Variants in TXNRD3 observed in about 807,000 individuals in gnomAD.
The protein encoded by TXNRD3 is thioredoxin reductase 3.
In TXNRD3, 68 loss-of-function variants were observed where a neutral mutation model predicts 78.2. That is an observed-to-expected ratio of 0.87 (90% CI 0.72 to 1.06). TXNRD3 has a LOEUF of 1.06. TXNRD3 is among the 50% of genes least tolerant of loss of function. The pLI is 0.00. For missense variants in TXNRD3, 751 were observed against 809.5 expected (o/e 0.93, Z 0.88); for synonymous variants, 296 against 300.1 (o/e 0.99, Z 0.14).
At chr3:126,619,820 T>G (rs1938405424) in intron 12 of TXNRD3, among the ~76,000 whole-genome samples, 2 of 152,204 alleles carry the variant, frequency 1.3e-5, no homozygotes, top group African/African-American at 4.8e-5. Flanking sequence ...AATATCACTC[T>G]GTATCCCATA....
In TXNRD3 at chr3:126,654,817, GTGGCGGCGCAGCT is replaced by G; in HGVS notation, c.161_173del (p.Glu54AlafsTer12). 1 of 1,419,066 alleles carries G rather than the reference GTGGCGGCGCAGCT, an allele frequency of 7.0e-7. No homozygotes were observed. Among genetic ancestry groups the G allele is most frequent in the Non-Finnish European group, 9.2e-7 (1 of 1,087,228 alleles). The allele number at this position is 1,419,066 out of a possible 1,614,324, so 87.9% of individuals were successfully genotyped here. The stretch of plus-strand genomic sequence containing the variant: ...GGCTGCGCTCGATGAGGCCCACGAG[GTGGCGGCGCAGCT>G]CCTCGCGGGCCTCGGACGAGCGGCT... On this transcript the variant is annotated frameshift_variant, in exon 1 of 16. Transcript: ENST00000524230. LOFTEE classifies it high-confidence loss of function.
At chr3:126,652,956 G>C (rs938030237) in intron 1 of TXNRD3, among the ~76,000 whole-genome samples, 1 of 152,166 alleles carries the variant, frequency 6.6e-6, no homozygotes, top group Non-Finnish European at 1.5e-5. Flanking sequence ...CCAGTGGCAC[G>C]AGGTGCTCCT....
Position 126,652,521 on chromosome 3 carries a change from A to G in TXNRD3, c.243+2227T>C, listed in dbSNP as rs543413290. Among the ~76,000 whole-genome samples the G allele has an allele frequency of 2.7e-4, 41 of 152,362 alleles. 1 individual carries two copies. The highest frequency in any genetic ancestry group is 3.4e-3 in the Middle Eastern group (1 of 294). ...TCAAATAACATTATTTCATTACAAC[A>G]GTGATTTAAAAAACTATTTCCAGCC... On this transcript the variant is annotated intron_variant, in intron 1 of 15. Transcript: ENST00000524230.
chr3:126,644,105 GA>G, intron 4 of TXNRD3, 52 bp from the exon 5 acceptor site: 1 of 1,511,608 alleles, frequency 6.6e-7, no homozygotes, highest in South Asian at 1.2e-5. Flanking sequence ...TCACTTTCCT[GA>G]CACTCCCTCA....
intron 10 of TXNRD3, among the ~76,000 whole-genome samples, chr3:126,623,254 A>G (rs1190329359): frequency 6.6e-6 from 1 of 152,208 alleles, no homozygotes; most frequent in African/African-American, 2.4e-5. Context: ...CTTCTATAGG[A>G]AAGTCTATGG....
At chr3:126,610,637 T>G (rs1309094280) in intron 14 of TXNRD3, among the ~76,000 whole-genome samples, 1 of 152,204 alleles carries the variant, frequency 6.6e-6, no homozygotes, top group East Asian at 1.9e-4. Context: ...GACCAAAATT[T>G]TCACAGATCT....
intron 10 of TXNRD3, among the ~76,000 whole-genome samples, chr3:126,627,358 A>G (rs3107393): frequency 0.87 from 132,920 of 152,180 alleles, 59,103 homozygotes; most frequent in Middle Eastern, 0.97. Flanking sequence ...CAAACAAAAT[A>G]AGTCTGTAGT....
intron 7 of TXNRD3, among the ~76,000 whole-genome samples, chr3:126,632,460 C>T (rs1454635514): frequency 6.6e-6 from 1 of 151,912 alleles, no homozygotes; most frequent in East Asian, 1.9e-4. Flanking sequence ...AGTTCGAGAC[C>T]AGCCTGGCCA....
chr3:126,654,806 A>G lies in TXNRD3; in HGVS notation c.185T>C (p.Leu62Pro). The change falls in exon 1 of 16, where the codon CTC becomes CCC. Residue 62 changes from leucine to proline, a missense_variant. By Grantham distance (98) the Leu-to-Pro change is moderately conservative. Coordinates refer to ENST00000524230, the MANE Select transcript of TXNRD3 (RefSeq NM_052883.3). The stretch of plus-strand genomic sequence containing the variant: ...GATCACCACCCGGCTGCGCTCGATG[A>G]GGCCCACGAGGTGGCGGCGCAGCTC... 7.0e-7 allele frequency: 1 copy of G among 1,425,150 alleles called. No individual in the cohort carries two copies. Among genetic ancestry groups the G allele is most frequent in the Non-Finnish European group, 9.2e-7 (1 of 1,090,288 alleles). 88.3% of individuals were successfully genotyped at this position (1,425,150 alleles called of 1,614,324 possible). A position where few individuals can be genotyped will look rare whatever the true frequency, so the allele number is the denominator to read the frequency against.
At chr3:126,642,441 A>T (rs984919161) in intron 5 of TXNRD3, among the ~76,000 whole-genome samples, 1 of 152,240 alleles carries the variant, frequency 6.6e-6, no homozygotes, top group South Asian at 2.1e-4. Context: ...AAGATTAATT[A>T]GATATGTACT....
At position 126,654,870 on chromosome 3, in the gene TXNRD3, A is replaced by G; in HGVS notation, c.121T>C (p.Ser41Pro). 1.5e-6 allele frequency: 2 copies of G among 1,333,366 alleles called. No homozygotes were observed. The highest frequency in any genetic ancestry group is 2.0e-5 in the South Asian group (1 of 50,594). 82.6% of individuals were successfully genotyped at this position (1,333,366 alleles called of 1,614,324 possible). The change falls in exon 1 of 16, where the codon TCG becomes CCG. Residue 41 changes from serine (S) to proline (P), a missense_variant. Transcript: ENST00000524230. ...GACGAGCGGCTGGGCCCGGGGGACG[A>G]CAGGCGGGCACGGCGCCCCGGCGGC...
In TXNRD3 at chr3:126,608,597, C is replaced by T. The variant is rs1938119475; in HGVS notation, c.1765G>A (p.Ala589Thr). 8 of 1,535,744 alleles carry T rather than the reference C, an allele frequency of 5.2e-6. No homozygotes were observed. Among genetic ancestry groups the T allele is most frequent in the East Asian group, 2.4e-5 (1 of 40,890 alleles). ...GCAAATCCTTGGGTAACCTCACCGG[C>T]GTTTGGTCCAAGAATATGAAATCCT... The change falls in exon 15 of 16, where the codon GCC becomes ACC. Residue 589 changes from alanine (A) to threonine (T), a missense_variant. Coordinates refer to ENST00000524230, the MANE Select transcript of TXNRD3 (RefSeq NM_052883.3).
chr3:126,618,863 C>CAA lies in TXNRD3; in HGVS notation c.1524+2877_1524+2878dup, dbSNP rs36021189. Among the ~76,000 whole-genome samples the CAA allele has an allele frequency of 3.2e-3, 235 of 72,934 alleles. 1 individual carries two copies. Among genetic ancestry groups the CAA allele is most frequent in the South Asian group, 5.3e-3 (10 of 1,872 alleles). The allele number at this position is 72,934 out of a possible 152,430, so 47.8% of individuals were successfully genotyped here. A position where few individuals can be genotyped will look rare whatever the true frequency, so the allele number is the denominator to read the frequency against. On this transcript the variant is annotated intron_variant, in intron 12 of 15. Coordinates refer to ENST00000524230, the MANE Select transcript of TXNRD3 (RefSeq NM_052883.3). ...ACAAGGAACTCAAACAACTCAGAGC[C>CAA]AAAAAAAAAAAAAAAAAAAAGAATT...
chr3:126,648,030 T>C (rs1366349191), intron 1 of TXNRD3, among the ~76,000 whole-genome samples: 1 of 152,204 alleles, frequency 6.6e-6, no homozygotes, highest in Admixed American at 6.5e-5. Flanking sequence ...CAAAGTTGCA[T>C]TGTACAAAAT....
chr3:126,613,173 C>G (rs1008600456), intron 13 of TXNRD3, among the ~76,000 whole-genome samples: 3 of 152,178 alleles, frequency 2.0e-5, no homozygotes, highest in African/African-American at 7.2e-5. Flanking sequence ...CCAGAGGCCA[C>G]CACCTTCACC....
chr3:126,620,965 C>G (rs1287500614), intron 12 of TXNRD3, among the ~76,000 whole-genome samples: 2 of 152,194 alleles, frequency 1.3e-5, no homozygotes, highest in Non-Finnish European at 2.9e-5. Flanking sequence ...AACTCCACCA[C>G]ACGGCCACAG....
intron 1 of TXNRD3, among the ~76,000 whole-genome samples, chr3:126,648,565 T>C (rs1349642862): frequency 1.3e-5 from 2 of 152,178 alleles, no homozygotes; most frequent in Non-Finnish European, 2.9e-5. Flanking sequence ...AATGATTTTT[T>C]ACAAGGGTGC....
At chr3:126,648,605 T>G (rs1437863114) in intron 1 of TXNRD3, among the ~76,000 whole-genome samples, 1 of 152,158 alleles carries the variant, frequency 6.6e-6, no homozygotes, top group Non-Finnish European at 1.5e-5. Flanking sequence ...AAGGAGAGTC[T>G]TTTCAACAAA....
At chr3:126,641,638 T>C (rs1236233375) in intron 6 of TXNRD3, among the ~76,000 whole-genome samples, 4 of 152,270 alleles carry the variant, frequency 2.6e-5, no homozygotes, top group Non-Finnish European at 1.5e-5. Context: ...ACATGTTTAC[T>C]AGATGAATTT....
Sources: gnomAD v4.1 joint callset for allele counts (sites outside exome capture counted in the v4.1 genomes callset) on GRCh38, gnomAD v4.1.1 for gene constraint, MANE v1.5 for transcripts, NCBI Gene and HGNC (gene_info 2026-07-23, HGNC 2026-07-21) for gene names.